The following JAKMIP1 variants were observed in gnomAD, a reference collection of about 807,000 sequenced individuals.
JAKMIP1 encodes janus kinase and microtubule-interacting protein 1.
In JAKMIP1, 33 loss-of-function variants were observed where a neutral mutation model predicts 113.0. The observed-to-expected ratio is 0.29, with a 90% confidence interval of 0.22 to 0.39. The LOEUF (loss-of-function observed/expected upper bound fraction) is 0.39, where lower values mean the gene tolerates loss of function less well. Among genes scored for constraint, JAKMIP1 ranks in the 10% least tolerant of loss-of-function variants. The pLI is 1.00. For synonymous variants in JAKMIP1, 480 were observed against 459.9 expected (o/e 1.04, Z -0.56); for missense variants, 813 against 1,080.5 (o/e 0.75, Z 3.47).
In JAKMIP1 at chr4:6,094,182, G is replaced by A. The variant is rs1722491838; in HGVS notation, c.625-8553C>T. Among the ~76,000 whole-genome samples, 1 of 152,104 alleles carries A rather than the reference G, an allele frequency of 6.6e-6. No individual in the cohort carries two copies. Among genetic ancestry groups the A allele is most frequent in the South Asian group, 2.1e-4 (1 of 4,818 alleles). ...ATGAGTTTTAAAAACAACCATTATG[G>A]TTTTATAAAAGCATAAAATAAAATC... On this transcript the variant is annotated intron_variant, in intron 3 of 20. Coordinates refer to ENST00000409021, the MANE Select transcript of JAKMIP1 (RefSeq NM_001099433.2). The surrounding 1 kb of genome is among the most constrained non-coding windows in gnomAD (Gnocchi z 4.2).
Position 6,142,225 on chromosome 4 carries a change from A to C in JAKMIP1, c.-147-29228T>G, listed in dbSNP as rs2108963673. ...CTTTGGTTATTTCTGAGGATTTTGT[A>C]CAGATTTAGAATTTTTTTCCATGGA... is the stretch of plus-strand genomic sequence containing the variant. On this transcript the variant is annotated intron_variant, in intron 1 of 20. Coordinates refer to ENST00000409021, the MANE Select transcript of JAKMIP1 (RefSeq NM_001099433.2). This position sits in a 1 kb window ranked among gnomAD's most constrained non-coding sequence, Gnocchi z 5.5. 6.6e-6 allele frequency among the ~76,000 whole-genome samples: 1 copy of C among 152,252 alleles called. No homozygotes were observed. Among genetic ancestry groups the C allele is most frequent in the East Asian group, 1.9e-4 (1 of 5,190 alleles).
At chr4:6,196,722 A>G (rs769270872) in intron 1 of JAKMIP1, among the ~76,000 whole-genome samples, 1 of 152,162 alleles carries the variant, frequency 6.6e-6, no homozygotes, top group Non-Finnish European at 1.5e-5. Context: ...TTAGCCAGGC[A>G]TGGTGGCAGG....
rs11406679 is a variant in JAKMIP1, at chr4:6,158,276, T to TA, written c.-148+41976_-148+41977insT. ...TCACCAGGGGTCACAAGCTCAGCTA[T>TA]GAAGCACTTGAAAGCCCAGAACCTA... On this transcript the variant is annotated intron_variant, in intron 1 of 20. Coordinates refer to ENST00000409021, the MANE Select transcript of JAKMIP1 (RefSeq NM_001099433.2). This position sits in a 1 kb window ranked among gnomAD's most constrained non-coding sequence, Gnocchi z 5.3. Among the ~76,000 whole-genome samples the TA allele has an allele frequency of 0.025, 3,802 of 152,314 alleles. 149 individuals are homozygous for TA. Among genetic ancestry groups the TA allele is most frequent in the African/African-American group, 0.082 (3,400 of 41,554 alleles).
At chr4:6,041,654 C>T (rs556835090) in intron 17 of JAKMIP1, among the ~76,000 whole-genome samples, 21 of 152,340 alleles carry the variant, frequency 1.4e-4, no homozygotes, top group Non-Finnish European at 2.6e-4. Context: ...CATTTCTCAT[C>T]CCACAACCCA....
intron 1 of JAKMIP1, among the ~76,000 whole-genome samples, chr4:6,170,248 C>G (rs1277812179): frequency 6.7e-6 from 1 of 148,552 alleles, no homozygotes; most frequent in South Asian, 2.2e-4. Flanking sequence ...CCACCACTCC[C>G]CCCACCCTTC....
chr4:6,072,276 G>C (rs1719075179), intron 8 of JAKMIP1, among the ~76,000 whole-genome samples: 1 of 152,166 alleles, frequency 6.6e-6, no homozygotes, highest in Admixed American at 6.5e-5. Context: ...CATCTTTGGA[G>C]AAAGGCTCAG....
intron 12 of JAKMIP1, 146 bp downstream of exon 12, chr4:6,056,551 C>G (rs1324045550): frequency 7.5e-6 from 5 of 662,970 alleles, no homozygotes; most frequent in East Asian, 2.6e-5. Context: ...AGGAAGACAT[C>G]TCTCCTCATG....
intron 1 of JAKMIP1, among the ~76,000 whole-genome samples, chr4:6,198,086 A>G (rs995206155): frequency 2.4e-4 from 36 of 152,294 alleles, no homozygotes; most frequent in African/African-American, 8.2e-4. Flanking sequence ...CTCTCAGGCC[A>G]CCTCACTGTG....
At chr4:6,030,377 T>C (rs1712460954) in intron 19 of JAKMIP1, among the ~76,000 whole-genome samples, 1 of 152,058 alleles carries the variant, frequency 6.6e-6, no homozygotes, top group South Asian at 2.1e-4. Flanking sequence ...CCCAGGACTT[T>C]CCTGGTGTGA....
chr4:6,047,987 AAATG>A (rs1244683819), intron 16 of JAKMIP1, among the ~76,000 whole-genome samples: 3 of 152,236 alleles, frequency 2.0e-5, no homozygotes, highest in Non-Finnish European at 4.4e-5. Context: ...CATATTTGTC[AAATG>A]AATGAATGGA....
intron 1 of JAKMIP1, among the ~76,000 whole-genome samples, chr4:6,118,806 G>A (rs971135189): frequency 5.9e-5 from 9 of 152,096 alleles, no homozygotes; most frequent in African/African-American, 2.2e-4. Context: ...GGGCTGAATC[G>A]TGGCCCCCAA....
At chr4:6,100,745 GT>G (rs930420703) in intron 3 of JAKMIP1, among the ~76,000 whole-genome samples, 6 of 150,298 alleles carry the variant, frequency 4.0e-5, no homozygotes, top group African/African-American at 1.2e-4. Flanking sequence ...ACTATTGTCT[GT>G]TTTTTTTTAA....
rs6843808 is a variant in JAKMIP1, at chr4:6,088,897, G to C, written c.625-3268C>G. On this transcript the variant is annotated intron_variant, in intron 3 of 20. Coordinates refer to ENST00000409021, the MANE Select transcript of JAKMIP1 (RefSeq NM_001099433.2). This position sits in a 1 kb window ranked among gnomAD's most constrained non-coding sequence, Gnocchi z 5.5. ...CATACGCCCAGTCTCAGCATGTGCA[G>C]TAGGAAAGGGGTGGAACGAACATCA... 0.073 allele frequency among the ~76,000 whole-genome samples: 11,120 copies of C among 152,172 alleles called. 1,368 individuals are homozygous for C. The highest frequency in any genetic ancestry group is 0.25 in the African/African-American group (10,429 of 41,452).
At chr4:6,165,182 G>A (rs1041114131) in intron 1 of JAKMIP1, among the ~76,000 whole-genome samples, 1 of 152,188 alleles carries the variant, frequency 6.6e-6, no homozygotes, top group Non-Finnish European at 1.5e-5. Context: ...ACTCTGATCA[G>A]TCAACAGCCA....
intron 3 of JAKMIP1, among the ~76,000 whole-genome samples, chr4:6,092,592 C>T (rs370948853): frequency 2.0e-5 from 3 of 152,200 alleles, no homozygotes; most frequent in African/African-American, 4.8e-5. Flanking sequence ...AAATACCCTT[C>T]GTCGTTATTC....
Position 6,050,858 on chromosome 4 carries a change from G to A in JAKMIP1, c.1807-179C>T, listed in dbSNP as rs77331658. 6.6e-6 allele frequency among the ~76,000 whole-genome samples: 1 copy of A among 152,294 alleles called. No individual in the cohort carries two copies. Among genetic ancestry groups the A allele is most frequent in the Non-Finnish European group, 1.5e-5 (1 of 68,026 alleles). On this transcript the variant is annotated intron_variant, in intron 13 of 20. Transcript: ENST00000409021. The surrounding 1 kb of genome is among the most constrained non-coding windows in gnomAD (Gnocchi z 7.4). ...CTACGACGTTTTCACGCCTTCCCAC[G>A]CAGCAGTTCTCCATGGAAATGTGTT...
rs1359958676 is a variant in JAKMIP1, at chr4:6,049,691, C to G, written c.1962+128G>C. ...ACACAGGAACACGGCCATACAAAAG[C>G]CTTACATTGTACTTCTTAGATCTCT... On this transcript the variant is annotated intron_variant, in intron 15 of 20. Transcript: ENST00000409021. This position sits in a 1 kb window ranked among gnomAD's most constrained non-coding sequence, Gnocchi z 7.0. 4.1e-6 allele frequency: 3 copies of G among 723,674 alleles called. No homozygotes were observed. The highest frequency in any genetic ancestry group is 3.6e-5 in the African/African-American group (2 of 55,994). The allele number at this position is 723,674 out of a possible 1,614,324, so 44.8% of individuals were successfully genotyped here. A position where few individuals can be genotyped will look rare whatever the true frequency, so the allele number is the denominator to read the frequency against.
chr4:6,188,744 C>T lies in JAKMIP1; in HGVS notation c.-148+11509G>A, dbSNP rs1180609217. ...AATAAGACTTGTTTGTGTCTTCAGT[C>T]TGAAGTGTCTTGCATTTGTCCCTAT... On this transcript the variant is annotated intron_variant, in intron 1 of 20. Coordinates refer to ENST00000409021, the MANE Select transcript of JAKMIP1 (RefSeq NM_001099433.2). The surrounding 1 kb of genome is among the most constrained non-coding windows in gnomAD (Gnocchi z 5.8). Among the ~76,000 whole-genome samples, 2 of 152,202 alleles carry T rather than the reference C, an allele frequency of 1.3e-5. No homozygotes were observed. Among genetic ancestry groups the T allele is most frequent in the African/African-American group, 4.8e-5 (2 of 41,450 alleles).
In JAKMIP1 at chr4:6,040,029, G is replaced by A. The variant is rs746134827; in HGVS notation, c.2175+610C>T. On this transcript the variant is annotated intron_variant, in intron 18 of 20. Transcript: ENST00000409021. This position sits in a 1 kb window ranked among gnomAD's most constrained non-coding sequence, Gnocchi z 5.8. Reference sequence around the variant, plus strand: ...AACTCTAAATTCTCTCTCCTGCAGCGACAAGTTTCTATGATCTTACTCAAC... The same window carrying A: ...AACTCTAAATTCTCTCTCCTGCAGCAACAAGTTTCTATGATCTTACTCAAC... Among the ~76,000 whole-genome samples, 5 of 152,156 alleles carry A rather than the reference G, an allele frequency of 3.3e-5. No homozygotes were observed. Among genetic ancestry groups the A allele is most frequent in the African/African-American group, 4.8e-5 (2 of 41,440 alleles).
Sources: gnomAD v4.1 joint callset for allele counts (sites outside exome capture counted in the v4.1 genomes callset) on GRCh38, gnomAD v4.1.1 for gene constraint, Gnocchi (gnomAD v3.1) non-coding constraint, MANE v1.5 for transcripts, NCBI Gene and HGNC (gene_info 2026-07-23, HGNC 2026-07-21) for gene names.